TNNI3: variants seen among roughly 807,000 people sequenced by gnomAD.
TNNI3 encodes troponin I, cardiac muscle.
In TNNI3, 23 loss-of-function variants were observed where a neutral mutation model predicts 31.5. The ratio of observed to expected loss-of-function variants is 0.73; its 90% CI spans 0.52 to 1.03. The LOEUF (loss-of-function observed/expected upper bound fraction) is 1.03. TNNI3 is among the 50% of genes least tolerant of loss of function. The pLI, the probability that TNNI3 is intolerant of heterozygous loss-of-function variation, is 0.00. For missense variants in TNNI3, 236 were observed against 282.9 expected, an observed-to-expected ratio of 0.83 and a Z score of 1.19; for synonymous variants, 120 against 111.7, an observed-to-expected ratio of 1.07 and a Z score of -0.47.
At chr19:55,154,970 G>A (rs1041875433) in intron 5 of TNNI3, 140 bp from the exon 6 acceptor site, 3 of 734,448 alleles carry the variant, frequency 4.1e-6, no homozygotes, top group African/African-American at 3.6e-5. Context: ...TGGACTCCTG[G>A]GTCTGAGGGA....
rs1337267246 is a variant in TNNI3 at position 55,156,058 on chromosome 19, G to T, written c.282+143C>A. 11 of 1,265,820 alleles carry T rather than the reference G, an allele frequency of 8.7e-6. 1 individual carries two copies. In the East Asian group the frequency reaches 2.2e-4, roughly 25 times the overall value. The allele number at this position is 1,265,820 out of a possible 1,614,324, so 78.4% of individuals were successfully genotyped here. A position where few individuals can be genotyped will look rare whatever the true frequency, so the allele number is the denominator to read the frequency against. On this transcript the variant is annotated intron_variant, in intron 5 of 7. Transcript: ENST00000344887. The surrounding 1 kb of genome is among the most constrained non-coding windows in gnomAD (Gnocchi z 4.6). Reference sequence around the variant, plus strand: ...CTCCACAGACCTGCACACAAAGGGTGTTAGGGGCCAGGAGTCCCACGAACC... The same window carrying T: ...CTCCACAGACCTGCACACAAAGGGTTTTAGGGGCCAGGAGTCCCACGAACC...
intron 6 of TNNI3, 100 bp downstream of exon 6, chr19:55,154,641 G>A: frequency 3.0e-6 from 3 of 1,008,388 alleles, no homozygotes; most frequent in Non-Finnish European, 4.6e-6. Context: ...TGGGTCTCCT[G>A]GGATGTGCAG....
At chr19:55,153,336 G>A (rs555774431) in intron 7 of TNNI3, among the ~76,000 whole-genome samples, 2 of 152,004 alleles carry the variant, frequency 1.3e-5, no homozygotes, top group East Asian at 3.9e-4. Flanking sequence ...TACATATAGG[G>A]TTCAGTACAA....
intron 6 of TNNI3, 180 bp downstream of exon 6, chr19:55,154,561 C>G: frequency 4.3e-6 from 3 of 695,188 alleles, no homozygotes; most frequent in Non-Finnish European, 7.9e-6. Context: ...TTCCCTCTGC[C>G]TAGAACAGCT....
Position 55,157,344 on chromosome 19 carries a change from T to G in TNNI3, c.12-36A>C. ...AGAAACCAAGGAGGGGGGTTAGTGG[T>G]GGGCTGTGTCCTGTCTCCTAAGGGA... On this transcript the variant is annotated intron_variant, in intron 1 of 7. Transcript: ENST00000344887. This position sits in a 1 kb window ranked among gnomAD's most constrained non-coding sequence, Gnocchi z 6.3. 6.3e-7 allele frequency: 1 copy of G among 1,593,400 alleles called. No homozygotes were observed.
rs996073872 is a variant in TNNI3, at chr19:55,156,564, A to G, written c.150+39T>C. 1.3e-6 allele frequency: 2 copies of G among 1,549,978 alleles called. No individual in the cohort carries two copies. The highest frequency in any genetic ancestry group is 2.8e-5 in the African/African-American group (2 of 72,028). On this transcript the variant is annotated intron_variant, in intron 4 of 7. Transcript: ENST00000344887. The surrounding 1 kb of genome is among the most constrained non-coding windows in gnomAD (Gnocchi z 4.6). ...ACCCATTCTCAAGCTCCGCCCCCTG[A>G]GCACCTGCCTGCTCTTTCCCAGTCC... is the stretch of plus-strand genomic sequence containing the variant.
rs545441942 is a variant in TNNI3 at position 55,156,316 on chromosome 19, A to G, written c.167T>C (p.Ile56Thr). Residue 56 changes from isoleucine to threonine, a missense_variant, in exon 5 of 8, where the codon ATT becomes ACT. Ile to Thr is a moderately conservative substitution (Grantham distance 89). Transcript: ENST00000344887. This position sits in a 1 kb window ranked among gnomAD's most constrained non-coding sequence, Gnocchi z 4.6. Reference protein sequence around the residue: ...KLQLKTLLLQIAKQELEREAE... With the variant: ...KLQLKTLLLQTAKQELEREAE... Reference sequence around the variant, plus strand: ...CTCTCGCTCCAGCTCTTGCTTTGCAATCTGCAGCAGCAGAGTCTGCAGAGG... The same window carrying G: ...CTCTCGCTCCAGCTCTTGCTTTGCAGTCTGCAGCAGCAGAGTCTGCAGAGG... 14 of 1,609,704 alleles carry G rather than the reference A, an allele frequency of 8.7e-6. No individual in the cohort carries two copies. The highest frequency in any genetic ancestry group is 5.5e-5 in the South Asian group (5 of 90,474).
In TNNI3 at chr19:55,156,916, C is replaced by T. The variant is rs1322339929; in HGVS notation, c.108+134G>A. 1.8e-6 allele frequency: 2 copies of T among 1,082,378 alleles called. No individual in the cohort carries two copies. The highest frequency in any genetic ancestry group is 4.0e-5 in the Admixed American group (2 of 50,270). 67.0% of individuals were successfully genotyped at this position (1,082,378 alleles called of 1,614,324 possible). A position where few individuals can be genotyped will look rare whatever the true frequency, so the allele number is the denominator to read the frequency against. On this transcript the variant is annotated intron_variant, in intron 3 of 7. Coordinates refer to ENST00000344887, the MANE Select transcript of TNNI3 (RefSeq NM_000363.5). This position sits in a 1 kb window ranked among gnomAD's most constrained non-coding sequence, Gnocchi z 4.6. ...CTGCTGTCACCAATCCGAGCATGACCCTCTGCAAAACTCCGCCCCTGAAGC... is the reference window on the plus strand; with the variant it reads ...CTGCTGTCACCAATCCGAGCATGACTCTCTGCAAAACTCCGCCCCTGAAGC...
intron 6 of TNNI3, 79 bp downstream of exon 6, chr19:55,154,662 C>T (rs962802886): frequency 7.8e-7 from 1 of 1,289,686 alleles, no homozygotes; most frequent in Non-Finnish European, 1.1e-6. Context: ...CCAAAAGCAG[C>T]TGCAAGGGGT....
rs1437835089 is a variant in TNNI3, at chr19:55,157,689, A to C, written c.-100T>G. On this transcript the variant is annotated 5_prime_UTR_variant, in exon 1 of 8. Transcript: ENST00000344887. This position sits in a 1 kb window ranked among gnomAD's most constrained non-coding sequence, Gnocchi z 6.3. ...CCGGGTGACCTTCAGGGTCCCAGGG[A>C]CCGTCAGTCTCCTCCGGGCTGCTTG... 2 of 1,428,808 alleles carry C rather than the reference A, an allele frequency of 1.4e-6. No homozygotes were observed. The highest frequency in any genetic ancestry group is 2.0e-6 in the Non-Finnish European group (2 of 1,018,924). The allele number at this position is 1,428,808 out of a possible 1,614,324, so 88.5% of individuals were successfully genotyped here. A position where few individuals can be genotyped will look rare whatever the true frequency, so the allele number is the denominator to read the frequency against.
Position 55,157,314 on chromosome 19 carries a change from A to G in TNNI3, c.12-6T>C, listed in dbSNP as rs2085741042. The stretch of plus-strand genomic sequence containing the variant: ...CTCTCACCGCATCGCTGCTCCTGGA[A>G]GGAGAGAAACCAAGGAGGGGGGTTA... On this transcript the variant is annotated splice_region_variant and splice_polypyrimidine_tract_variant and intron_variant, in intron 1 of 7. Coordinates refer to ENST00000344887, the MANE Select transcript of TNNI3 (RefSeq NM_000363.5). The surrounding 1 kb of genome is among the most constrained non-coding windows in gnomAD (Gnocchi z 6.3). The G allele has an allele frequency of 1.9e-6, 3 of 1,612,606 alleles. No homozygotes were observed. In the South Asian group the frequency reaches 3.3e-5, roughly 18 times the overall value.
In TNNI3 at chr19:55,156,260, C is replaced by A. The variant is rs1187997222; in HGVS notation, c.223G>T (p.Ala75Ser). ...AEERRGEKGR[A>S]LSTRCQPLEL... ...AGCGGCTGGCAGCGGGTGCTCAGAG[C>A]GCGCCCCTTCTCTCCGCGCCGCTCC... is the stretch of plus-strand genomic sequence containing the variant. The change falls in exon 5 of 8, where the codon GCT becomes TCT. Residue 75 changes from alanine to serine, a missense_variant. Around this residue, in one of 4 missense-constraint regions of TNNI3, gnomAD observed 172 missense variants for 171.8 expected, o/e 1.00. Transcript: ENST00000344887. The surrounding 1 kb of genome is among the most constrained non-coding windows in gnomAD (Gnocchi z 4.6). The A allele has an allele frequency of 1.2e-6, 2 of 1,612,056 alleles. No homozygotes were observed. Among genetic ancestry groups the A allele is most frequent in the South Asian group, 2.2e-5 (2 of 91,016 alleles).
rs200398906 is a variant in TNNI3, at chr19:55,157,529, G to A, written c.11+50C>T. 2 of 1,611,214 alleles carry A rather than the reference G, an allele frequency of 1.2e-6. No individual in the cohort carries two copies. The highest frequency in any genetic ancestry group is 2.7e-5 in the African/African-American group (2 of 74,850). On this transcript the variant is annotated intron_variant, in intron 1 of 7. Transcript: ENST00000344887. The surrounding 1 kb of genome is among the most constrained non-coding windows in gnomAD (Gnocchi z 6.3). Reference sequence around the variant, plus strand: ...AGCCTCTCAGCTGCGACCCCTCTTGGGAACCCGGGAGGTCGCCCCCAACTC... The same window carrying A: ...AGCCTCTCAGCTGCGACCCCTCTTGAGAACCCGGGAGGTCGCCCCCAACTC...
chr19:55,156,652 G>C lies in TNNI3; in HGVS notation c.109-8C>G, dbSNP rs755553361. On this transcript the variant is annotated splice_polypyrimidine_tract_variant and splice_region_variant and intron_variant, in intron 3 of 7. Transcript: ENST00000344887. This position sits in a 1 kb window ranked among gnomAD's most constrained non-coding sequence, Gnocchi z 4.6. Reference sequence around the variant, plus strand: ...GGAGATCTTAGATTTTTTCTGCCAGGGTGAGATGGAGCAAGGAAGGATCAT... The same window carrying C: ...GGAGATCTTAGATTTTTTCTGCCAGCGTGAGATGGAGCAAGGAAGGATCAT... 1 of 1,563,562 alleles carries C rather than the reference G, an allele frequency of 6.4e-7. No individual in the cohort carries two copies. The highest frequency in any genetic ancestry group is 1.2e-5 in the South Asian group (1 of 85,286).
intron 5 of TNNI3, among the ~76,000 whole-genome samples, chr19:55,155,079 A>T (rs1390659049): frequency 3.4e-5 from 2 of 59,252 alleles, no homozygotes; most frequent in Non-Finnish European, 6.3e-5. Context: ...CCTCGATTCC[A>T]GGGTCTGAGG....
chr19:55,154,379 C>T, intron 6 of TNNI3, 173 bp from the exon 7 acceptor site: 1 of 712,748 alleles, frequency 1.4e-6, no homozygotes, highest in Non-Finnish European at 2.4e-6. Context: ...ACTGAATCCC[C>T]CTCCTCATAT....
chr19:55,152,003 G>GAA lies in TNNI3; in HGVS notation c.550-87_550-86insTT. 2 of 1,252,352 alleles carry GAA rather than the reference G, an allele frequency of 1.6e-6. No homozygotes were observed. Among genetic ancestry groups the GAA allele is most frequent in the Non-Finnish European group, 2.3e-6 (2 of 861,650 alleles). The allele number at this position is 1,252,352 out of a possible 1,614,324, so 77.6% of individuals were successfully genotyped here. A position where few individuals can be genotyped will look rare whatever the true frequency, so the allele number is the denominator to read the frequency against. On this transcript the variant is annotated intron_variant, in intron 7 of 7. Coordinates refer to ENST00000344887, the MANE Select transcript of TNNI3 (RefSeq NM_000363.5). The surrounding 1 kb of genome is among the most constrained non-coding windows in gnomAD (Gnocchi z 4.0). ...TCCCTGTCTTCCCTCCAGCCTGTGGGGCCACTCTACCCTGGATGCCTAAGT... is the reference window on the plus strand; with the variant it reads ...TCCCTGTCTTCCCTCCAGCCTGTGGGAAGCCACTCTACCCTGGATGCCTAAGT...
Position 55,156,259 on chromosome 19 carries a change from G to A in TNNI3, c.224C>T (p.Ala75Val), listed in dbSNP as rs1599911098. 5 of 1,612,202 alleles carry A rather than the reference G, an allele frequency of 3.1e-6. No homozygotes were observed. The highest frequency in any genetic ancestry group is 4.2e-6 in the Non-Finnish European group (5 of 1,179,740). The change falls in exon 5 of 8, where the codon GCT becomes GTT. Residue 75 changes from alanine to valine, a missense_variant. By Grantham distance (64) the Ala-to-Val change is moderately conservative. This residue lies in a region of TNNI3 where 172 missense variants were observed against 171.8 expected (regional missense o/e 1.00). Coordinates refer to ENST00000344887, the MANE Select transcript of TNNI3 (RefSeq NM_000363.5). The surrounding 1 kb of genome is among the most constrained non-coding windows in gnomAD (Gnocchi z 4.6). ...CAGCGGCTGGCAGCGGGTGCTCAGA[G>A]CGCGCCCCTTCTCTCCGCGCCGCTC... ...AEERRGEKGR[A>V]LSTRCQPLEL...
In TNNI3 at chr19:55,154,217, A is replaced by T. The variant is rs746918706; in HGVS notation, c.373-11T>A. 21 of 1,610,310 alleles carry T rather than the reference A, an allele frequency of 1.3e-5. No homozygotes were observed. The African/African-American group carries it at 1.5e-4, about 11-fold the overall frequency. On this transcript the variant is annotated splice_polypyrimidine_tract_variant and intron_variant, in intron 6 of 7. Transcript: ENST00000344887. Reference sequence around the variant, plus strand: ...AGTCAGATCTGCAATCTGGGGGCACACGAGGGGGTGGGTACTTCTCCTTCC... The same window carrying T: ...AGTCAGATCTGCAATCTGGGGGCACTCGAGGGGGTGGGTACTTCTCCTTCC...
Sources: gnomAD v4.1 joint callset for allele counts (sites outside exome capture counted in the v4.1 genomes callset) on GRCh38, gnomAD v4.1.1 for gene constraint, gnomAD v4.1.1 regional missense constraint, Gnocchi (gnomAD v3.1) non-coding constraint, MANE v1.5 for transcripts, NCBI Gene and HGNC (gene_info 2026-07-23, HGNC 2026-07-21) for gene names.